Variants in SAP130 observed in about 807,000 individuals in gnomAD.
The protein encoded by SAP130 is histone deacetylase complex subunit SAP130.
SAP130 carries 16 observed loss-of-function variants against 103.2 expected under a neutral mutation model. The ratio of observed to expected loss-of-function variants is 0.16; its 90% CI spans 0.10 to 0.24. SAP130 has a LOEUF of 0.24. Among genes scored for constraint, SAP130 ranks in the 10% least tolerant of loss-of-function variants. The pLI is 1.00. For synonymous variants in SAP130, 477 were observed against 497.0 expected, an observed-to-expected ratio of 0.96 and a Z score of 0.53; for missense variants, 990 against 1,359.7, an observed-to-expected ratio of 0.73 and a Z score of 4.28.
intron 15 of SAP130, among the ~76,000 whole-genome samples, chr2:127,960,477 T>C (rs1680161990): frequency 6.6e-6 from 1 of 152,176 alleles, no homozygotes; most frequent in South Asian, 2.1e-4. Flanking sequence ...GGTGGAAAGT[T>C]TGAAGATGAA....
intron 19 of SAP130, among the ~76,000 whole-genome samples, chr2:127,944,987 C>T (rs1028464799): frequency 6.6e-6 from 1 of 150,402 alleles, no homozygotes; most frequent in Non-Finnish European, 1.5e-5. Flanking sequence ...ACTGGCTTAT[C>T]TGAGTAACAT....
At chr2:127,950,431 C>T (rs1164001178) in intron 16 of SAP130, 23 bp from the exon 17 acceptor site, 1 of 1,612,296 alleles carries the variant, frequency 6.2e-7, no homozygotes, top group Admixed American at 1.7e-5. Context: ...AAGGAGCACA[C>T]ATATCTGTAA....
chr2:127,965,358 T>C (rs148877462), intron 15 of SAP130, among the ~76,000 whole-genome samples: 8 of 152,142 alleles, frequency 5.3e-5, no homozygotes, highest in Non-Finnish European at 8.8e-5. Context: ...CCCAGCTACT[T>C]TGGAGGCAGA....
At chr2:127,963,249 A>ATAAT (rs1001347241) in intron 15 of SAP130, among the ~76,000 whole-genome samples, 36 of 152,244 alleles carry the variant, frequency 2.4e-4, no homozygotes, top group African/African-American at 8.2e-4. Flanking sequence ...CTCTTATTAA[A>ATAAT]GACAGGGTCT....
intron 18 of SAP130, 70 bp from the exon 19 acceptor site, chr2:127,945,629 G>C (rs926421244): frequency 5.5e-6 from 5 of 901,080 alleles, no homozygotes; most frequent in Non-Finnish European, 9.0e-6. Context: ...TGTTCGAGCA[G>C]TGTAAATGCC....
At chr2:128,015,395 A>C (rs1684699922) in intron 4 of SAP130, among the ~76,000 whole-genome samples, 1 of 152,090 alleles carries the variant, frequency 6.6e-6, no homozygotes. Context: ...CATTCTCCCA[A>C]ACCACAGAGT....
chr2:127,942,209 A>G lies in SAP130; in HGVS notation c.3016-45T>C. The G allele has an allele frequency of 6.5e-7, 1 of 1,532,946 alleles. No homozygotes were observed. Among genetic ancestry groups the G allele is most frequent in the Non-Finnish European group, 8.8e-7 (1 of 1,137,584 alleles). The allele number at this position is 1,532,946 out of a possible 1,614,324, so 95.0% of individuals were successfully genotyped here. ...ATCATCAATCAGTGACCATGAGGAT[A>G]GTACAGCTTTTAAAAAACTGCTTGC... On this transcript the variant is annotated intron_variant, in intron 20 of 20. Coordinates refer to ENST00000643581, the MANE Select transcript of SAP130 (RefSeq NM_001330301.2). This position sits in a 1 kb window ranked among gnomAD's most constrained non-coding sequence, Gnocchi z 4.8.
At chr2:127,991,353 T>G (rs1004073592) in intron 12 of SAP130, among the ~76,000 whole-genome samples, 17 of 152,316 alleles carry the variant, frequency 1.1e-4, no homozygotes, top group East Asian at 1.9e-4. Context: ...ACATTTTTTT[T>G]GGGACAAGGG....
intron 15 of SAP130, among the ~76,000 whole-genome samples, chr2:127,975,699 G>A (rs1681411417): frequency 6.6e-6 from 1 of 152,208 alleles, no homozygotes; most frequent in Non-Finnish European, 1.5e-5. Context: ...ATGACTATGA[G>A]TGGTGTTGAG....
intron 3 of SAP130, 27 bp from the exon 4 acceptor site, chr2:128,016,574 T>C (rs1018263046): frequency 1.9e-6 from 3 of 1,597,346 alleles, no homozygotes; most frequent in Non-Finnish European, 2.6e-6. Flanking sequence ...ACACAAAACA[T>C]ATCAATGGCC....
intron 2 of SAP130, among the ~76,000 whole-genome samples, chr2:128,020,693 C>T (rs1685090853): frequency 6.6e-6 from 1 of 152,112 alleles, no homozygotes; most frequent in Non-Finnish European, 1.5e-5. Context: ...GAGAATACTG[C>T]ATCATTTTTT....
chr2:128,026,251 G>A lies in SAP130; in HGVS notation c.42C>T (p.Thr14=), dbSNP rs139292087. The change falls in exon 2 of 21, where the codon ACC becomes ACT. Residue 14 remains threonine (T), a synonymous_variant. Transcript: ENST00000643581. ...TCTGAGAAGGGGCCTGGCTCAGCCCGGTAGAAGGGGCTCCTAACCGAGGAA... is the reference window on the plus strand; with the variant it reads ...TCTGAGAAGGGGCCTGGCTCAGCCCAGTAGAAGGGGCTCCTAACCGAGGAA... ...QQFPRLGAPS[T]GLSQAPSQIA... The A allele has an allele frequency of 2.2e-5, 36 of 1,614,082 alleles. No individual in the cohort carries two copies. The African/African-American group carries it at 2.4e-4, about 11-fold the overall frequency.
In SAP130 at chr2:127,989,720, T is replaced by C; in HGVS notation, c.1624A>G (p.Thr542Ala). 4.3e-6 allele frequency: 7 copies of C among 1,614,118 alleles called. No homozygotes were observed. Among genetic ancestry groups the C allele is most frequent in the Non-Finnish European group, 5.9e-6 (7 of 1,180,028 alleles). ...IQGIQPAPIS[T>A]QGIQPAPIGT... ...ATGGGGGCCGGCTGGATACCCTGGG[T>C]ACTGATGGGTGCTGGCTGGATCCCT... Residue 542 changes from threonine to alanine, a missense_variant, in exon 13 of 21, where the codon ACC (threonine) becomes GCC (alanine). Physicochemically the swap from Thr to Ala is moderately conservative, Grantham distance 58. This residue lies in a region of SAP130 where 336 missense variants were observed against 520.1 expected (regional missense o/e 0.65). Coordinates refer to ENST00000643581, the MANE Select transcript of SAP130 (RefSeq NM_001330301.2). This position sits in a 1 kb window ranked among gnomAD's most constrained non-coding sequence, Gnocchi z 4.6.
chr2:128,022,239 A>T (rs1685209372), intron 2 of SAP130, among the ~76,000 whole-genome samples: 1 of 152,216 alleles, frequency 6.6e-6, no homozygotes, highest in Non-Finnish European at 1.5e-5. Flanking sequence ...TTCTCTCCTT[A>T]GTGTAATGTT....
chr2:127,951,115 C>T (rs1679467746), intron 16 of SAP130, among the ~76,000 whole-genome samples: 1 of 152,138 alleles, frequency 6.6e-6, no homozygotes. Flanking sequence ...AAATATGGCA[C>T]AAGTCACACA....
intron 11 of SAP130, among the ~76,000 whole-genome samples, chr2:127,993,660 A>C (rs891391654): frequency 3.3e-5 from 5 of 152,176 alleles, no homozygotes; most frequent in African/African-American, 1.2e-4. Flanking sequence ...TTTACTGGCC[A>C]ATTTCATTAA....
chr2:127,995,025 G>A (rs1328048935), intron 11 of SAP130, among the ~76,000 whole-genome samples: 1 of 119,482 alleles, frequency 8.4e-6, no homozygotes, highest in Admixed American at 9.7e-5. Context: ...ACAATAACCT[G>A]TTTTTGAAAC....
At chr2:127,972,700 G>C (rs1681177833) in intron 15 of SAP130, among the ~76,000 whole-genome samples, 1 of 152,140 alleles carries the variant, frequency 6.6e-6, no homozygotes, top group South Asian at 2.1e-4. Flanking sequence ...AGAGGCTGTT[G>C]TGAGCCAATA....
chr2:128,014,701 C>A, intron 5 of SAP130, 102 bp downstream of exon 5: 1 of 852,672 alleles, frequency 1.2e-6, no homozygotes, highest in Non-Finnish European at 1.9e-6. Flanking sequence ...TGTTCTGCAA[C>A]TTTAACAAGC....
Sources: gnomAD v4.1 joint callset for allele counts (sites outside exome capture counted in the v4.1 genomes callset) on GRCh38, gnomAD v4.1.1 for gene constraint, gnomAD v4.1.1 regional missense constraint, Gnocchi (gnomAD v3.1) non-coding constraint, MANE v1.5 for transcripts, NCBI Gene and HGNC (gene_info 2026-07-23, HGNC 2026-07-21) for gene names.